UGT1A5: variants seen among roughly 807,000 people sequenced by gnomAD.
UGT1A5 encodes UDP glucuronosyltransferase family 1 member A5, also known as UDP-glucuronosyltransferase 1A5.
In UGT1A5, 29 loss-of-function variants were observed where a neutral mutation model predicts 40.3. That is an observed-to-expected ratio of 0.72 (90% CI 0.54 to 0.98). UGT1A5 has a LOEUF of 0.98. Ranked by LOEUF, UGT1A5 falls within the 50% of genes least tolerant of loss-of-function variation. The pLI is 0.00. For missense variants in UGT1A5, 678 were observed against 677.9 expected (o/e 1.00, Z 0.00); for synonymous variants, 257 against 262.5 (o/e 0.98, Z 0.20).
intron 1 of UGT1A5, chr2:233,739,155 A>C (rs182453819): frequency 1.1e-4 from 17 of 152,364 alleles, no homozygotes; most frequent in Admixed American, 3.9e-4. Flanking sequence ...CCTCCACATA[A>C]ATTTTAGAGG....
intron 1 of UGT1A5, among the ~76,000 whole-genome samples, chr2:233,730,722 G>C (rs2078066355): frequency 6.6e-6 from 1 of 152,104 alleles, no homozygotes; most frequent in Admixed American, 6.6e-5. Flanking sequence ...AAATTATCAA[G>C]AAATGGCGGA....
chr2:233,767,044 C>T lies in UGT1A5; in HGVS notation c.878C>T (p.Ala293Val), dbSNP rs758873309. The T allele has an allele frequency of 6.2e-7, 1 of 1,613,992 alleles. No individual in the cohort carries two copies. The highest frequency in any genetic ancestry group is 1.1e-5 in the South Asian group (1 of 91,046). ...TTCTTCTGGCTCTAGGAATTTGAAG[C>T]CTACATTAATGCTTCTGGAGAACAT... ...NGKPLSQEFE[A>V]YINASGEHGI... is the part of the protein sequence containing the mutation. The change falls in exon 2 of 5, where the codon GCC becomes GTC. Residue 293 changes from alanine to valine, a missense_variant. Ala to Val is a moderately conservative substitution (Grantham distance 64). Coordinates refer to ENST00000373414, the MANE Select transcript of UGT1A5 (RefSeq NM_019078.2).
chr2:233,719,182 C>T, intron 1 of UGT1A5: 1 of 1,614,216 alleles, frequency 6.2e-7, no homozygotes, highest in South Asian at 1.1e-5. Context: ...AACAATGTAT[C>T]TTTGGCCCTT....
intron 1 of UGT1A5, among the ~76,000 whole-genome samples, chr2:233,731,931 T>A (rs963793811): frequency 5.3e-5 from 8 of 152,216 alleles, no homozygotes; most frequent in Non-Finnish European, 1.0e-4. Context: ...TTTCTCCACA[T>A]CCTCTCCAAC....
At chr2:233,728,943 T>A (rs1281650541) in intron 1 of UGT1A5, among the ~76,000 whole-genome samples, 3 of 148,150 alleles carry the variant, frequency 2.0e-5, no homozygotes, top group Admixed American at 2.0e-4. Flanking sequence ...TTTTCCAGGG[T>A]GGGGCCCACA....
intron 1 of UGT1A5, among the ~76,000 whole-genome samples, chr2:233,714,574 C>A (rs1193502445): frequency 2.0e-5 from 3 of 152,204 alleles, no homozygotes; most frequent in Non-Finnish European, 2.9e-5. Flanking sequence ...AAACCACATA[C>A]ATAATTTAAA....
At chr2:233,730,965 G>A (rs1412935935) in intron 1 of UGT1A5, among the ~76,000 whole-genome samples, 2 of 152,130 alleles carry the variant, frequency 1.3e-5, no homozygotes, top group African/African-American at 2.4e-5. Flanking sequence ...ATGGTACTCT[G>A]GGACCTGAAT....
In UGT1A5 at chr2:233,749,353, T is replaced by G. The variant is rs1479557854; in HGVS notation, c.868-17681T>G. On this transcript the variant is annotated intron_variant, in intron 1 of 4. Transcript: ENST00000373414. The stretch of plus-strand genomic sequence containing the variant: ...GTTGAAAAGTGGGATGGAATTTAAA[T>G]AGTGACTCTTGCCCTTTTCTTCCAG... 5.9e-5 allele frequency among the ~76,000 whole-genome samples: 9 copies of G among 151,918 alleles called. 1 individual carries two copies. The East Asian group carries it at 1.7e-3, about 29-fold the overall frequency.
chr2:233,727,791 C>T (rs1410826393), intron 1 of UGT1A5, among the ~76,000 whole-genome samples: 1 of 152,234 alleles, frequency 6.6e-6, no homozygotes, highest in Non-Finnish European at 1.5e-5. Flanking sequence ...CTTCCATTCA[C>T]TGCCTGTCCC....
chr2:233,724,149 C>T (rs1483469829), intron 1 of UGT1A5, among the ~76,000 whole-genome samples: 2 of 117,102 alleles, frequency 1.7e-5, no homozygotes, highest in Non-Finnish European at 3.4e-5. Context: ...GGCGGCTGGC[C>T]GGGTGGGGGG....
rs568443083 is a variant in UGT1A5 at position 233,748,107 on chromosome 2, A to G, written c.868-18927A>G. The G allele has an allele frequency of 6.5e-5, 105 of 1,612,400 alleles. 3 individuals are homozygous for G. The African/African-American group carries it at 1.3e-3, about 20-fold the overall frequency. ...CGGTGTTCGTGCCTTCATCCAATCA[A>G]TGTTCCAGGCAAAACAGTTTTTAAA... On this transcript the variant is annotated intron_variant, in intron 1 of 4. Coordinates refer to ENST00000373414, the MANE Select transcript of UGT1A5 (RefSeq NM_019078.2).
intron 1 of UGT1A5, among the ~76,000 whole-genome samples, chr2:233,727,631 C>T (rs2077634197): frequency 1.3e-5 from 2 of 152,112 alleles, no homozygotes; most frequent in East Asian, 1.9e-4. Context: ...AGGTTGCACC[C>T]ACAGCTGAGA....
chr2:233,725,058 G>A (rs1228937957), intron 1 of UGT1A5, among the ~76,000 whole-genome samples: 11 of 147,492 alleles, frequency 7.5e-5, no homozygotes, highest in East Asian at 4.2e-4. Flanking sequence ...GTGGCGGCGC[G>A]CGCCTGCAAT....
At chr2:233,751,766 T>C (rs1221820452) in intron 1 of UGT1A5, among the ~76,000 whole-genome samples, 2 of 152,224 alleles carry the variant, frequency 1.3e-5, no homozygotes, top group Non-Finnish European at 2.9e-5. Context: ...ATGTGAGACA[T>C]GACTTTGCTT....
chr2:233,734,667 C>G (rs1395342717), intron 1 of UGT1A5, among the ~76,000 whole-genome samples: 1 of 152,100 alleles, frequency 6.6e-6, no homozygotes. Flanking sequence ...ATAAATTTCC[C>G]TCTACACACT....
chr2:233,714,464 G>T (rs1484819290), intron 1 of UGT1A5, among the ~76,000 whole-genome samples: 2 of 152,160 alleles, frequency 1.3e-5, no homozygotes, highest in African/African-American at 2.4e-5. Context: ...GTGTTGGATT[G>T]TAATAGGAGA....
intron 1 of UGT1A5, among the ~76,000 whole-genome samples, chr2:233,731,284 CTTT>C (rs78127606): frequency 7.2e-6 from 1 of 139,768 alleles, no homozygotes. Flanking sequence ...GTTTTTCTTT[CTTT>C]TTTTTTTTTT....
At chr2:233,740,309 G>A (rs1460267947) in intron 1 of UGT1A5, among the ~76,000 whole-genome samples, 2 of 151,928 alleles carry the variant, frequency 1.3e-5, no homozygotes, top group African/African-American at 4.9e-5. Context: ...CTGAGAAAAG[G>A]AAATGAATCT....
chr2:233,747,846 A>G, intron 1 of UGT1A5: 1 of 1,613,572 alleles, frequency 6.2e-7, no homozygotes, highest in Non-Finnish European at 8.5e-7. Context: ...GCAAAGGGTC[A>G]AGAACATGCT....
Sources: gnomAD v4.1 joint callset for allele counts (sites outside exome capture counted in the v4.1 genomes callset) on GRCh38, gnomAD v4.1.1 for gene constraint, MANE v1.5 for transcripts, NCBI Gene and HGNC (gene_info 2026-07-23, HGNC 2026-07-21) for gene names.